The following PIK3C2G variants were observed in gnomAD, a reference collection of about 807,000 sequenced individuals.
PIK3C2G encodes phosphatidylinositol 3-kinase C2 domain-containing subunit gamma.
PIK3C2G carries 168 observed loss-of-function variants against 181.1 expected under a neutral mutation model. That is an observed-to-expected ratio of 0.93 (90% CI 0.82 to 1.05). The LOEUF is 1.05. PIK3C2G is among the 50% of genes least tolerant of loss of function. The pLI is 0.00. For missense variants in PIK3C2G, 1,869 were observed against 1,732.8 expected (o/e 1.08, Z -1.40); for synonymous variants, 573 against 592.2 (o/e 0.97, Z 0.47).
chr12:18,543,092 G>A (rs781143585), intron 25 of PIK3C2G, among the ~76,000 whole-genome samples: 19 of 151,960 alleles, frequency 1.3e-4, no homozygotes, highest in Non-Finnish European at 2.8e-4. Context: ...TCTGACTGGT[G>A]TGAGATGGTA....
intron 24 of PIK3C2G, among the ~76,000 whole-genome samples, chr12:18,537,293 G>C (rs1943911368): frequency 6.6e-6 from 1 of 152,010 alleles, no homozygotes; most frequent in Non-Finnish European, 1.5e-5. Flanking sequence ...TTGCTACTTG[G>C]TCTAACCTTT....
rs572186938 is a variant in PIK3C2G at position 18,247,892 on chromosome 12, C to A, written c.-269C>A. On this transcript the variant is annotated 5_prime_UTR_variant, in exon 1 of 12. Coordinates refer to the PIK3C2G transcript ENST00000535651. ...GACTGCTTTTCATTAAAAAGGAAAG[C>A]CTTACCGAGGACTCCCATACCCTTA... is the stretch of plus-strand genomic sequence containing the variant. 5.3e-5 allele frequency: 8 copies of A among 152,250 alleles called. No individual in the cohort carries two copies. In the East Asian group the frequency reaches 1.5e-3, roughly 29 times the overall value. 9.4% of individuals were successfully genotyped at this position (152,250 alleles called of 1,614,324 possible). A position where few individuals can be genotyped will look rare whatever the true frequency, so the allele number is the denominator to read the frequency against.
At chr12:18,338,100 C>T (rs1268111267) in intron 8 of PIK3C2G, among the ~76,000 whole-genome samples, 2 of 152,112 alleles carry the variant, frequency 1.3e-5, no homozygotes, top group Non-Finnish European at 2.9e-5. Flanking sequence ...CTTCTTCCTC[C>T]CTCTCTTTCT....
chr12:18,606,972 A>C (rs866218710), intron 30 of PIK3C2G, among the ~76,000 whole-genome samples: 1 of 152,282 alleles, frequency 6.6e-6, no homozygotes, highest in Middle Eastern at 3.4e-3. Flanking sequence ...TAAATGTTTA[A>C]TGTGCACATT....
the PIK3C2G span, among the ~76,000 whole-genome samples, chr12:18,660,368 G>C: frequency 6.6e-6 from 1 of 152,140 alleles, no homozygotes; most frequent in African/African-American, 2.4e-5. Context: ...ACAAAGGTGG[G>C]AAGTTTTGTT....
intron 18 of PIK3C2G, among the ~76,000 whole-genome samples, chr12:18,471,280 C>T (rs997983753): frequency 2.0e-5 from 3 of 152,088 alleles, no homozygotes; most frequent in Non-Finnish European, 1.5e-5. Flanking sequence ...ACAAAATGGG[C>T]ATTCGGGATT....
At chr12:18,263,358 C>T (rs1159224199) in intron 1 of PIK3C2G, among the ~76,000 whole-genome samples, 1 of 152,048 alleles carries the variant, frequency 6.6e-6, no homozygotes, top group East Asian at 1.9e-4. Context: ...AATATATGAT[C>T]ATTTCTCATA....
At chr12:18,395,115 C>CTTTCTTTCTTTCTTTCTTTCTTTCTT (rs1186287291) in intron 15 of PIK3C2G, among the ~76,000 whole-genome samples, 2 of 147,932 alleles carry the variant, frequency 1.4e-5, no homozygotes, top group Middle Eastern at 3.2e-3. Context: ...TTCTTTCTTT[C>CTTTCTTTCTTTCTTTCTTTCTTTCTT]TCTCTTTCCC....
At position 18,550,509 on chromosome 12, in the gene PIK3C2G, G is replaced by A. The variant is rs1277841282; in HGVS notation, c.3590+4077G>A. ...CTTAGGGAGACTAAATGCAGACCTC[G>A]TTGCACATAATTCACCAAAAAAAAA... is the stretch of plus-strand genomic sequence containing the variant. On this transcript the variant is annotated intron_variant, in intron 26 of 32. Transcript: ENST00000538779. Among the ~76,000 whole-genome samples, 9 of 151,446 alleles carry A rather than the reference G, an allele frequency of 5.9e-5. 1 individual carries two copies. Among genetic ancestry groups the A allele is most frequent in the East Asian group, 5.8e-4 (3 of 5,152 alleles).
intron 24 of PIK3C2G, among the ~76,000 whole-genome samples, chr12:18,524,336 T>C (rs1161501499): frequency 1.3e-5 from 2 of 152,202 alleles, no homozygotes. Flanking sequence ...TTCTAGATTC[T>C]GCAGTCCAAA....
the PIK3C2G span, chr12:18,723,534 G>T: frequency 6.2e-7 from 1 of 1,611,456 alleles, no homozygotes; most frequent in Non-Finnish European, 8.5e-7. Context: ...GTTTCAGCCT[G>T]TCATTGTCCT....
intron 12 of PIK3C2G, among the ~76,000 whole-genome samples, chr12:18,369,343 T>A (rs1039993692): frequency 1.3e-5 from 2 of 152,170 alleles, no homozygotes; most frequent in African/African-American, 2.4e-5. Context: ...AGAAAAAAAA[T>A]TTCTTTCATC....
At chr12:18,633,691 G>A (rs1005738009) in intron 31 of PIK3C2G, among the ~76,000 whole-genome samples, 5 of 152,176 alleles carry the variant, frequency 3.3e-5, no homozygotes, top group Non-Finnish European at 5.9e-5. Flanking sequence ...TTGTTAGTCA[G>A]GATCAATCAC....
chr12:18,608,151 A>G (rs1592705336), intron 30 of PIK3C2G, among the ~76,000 whole-genome samples: 1 of 152,270 alleles, frequency 6.6e-6, no homozygotes, highest in East Asian at 1.9e-4. Context: ...CAGTGTGGTG[A>G]TTCCTCAAGG....
At chr12:18,256,335 C>T (rs571546776) in intron 1 of PIK3C2G, among the ~76,000 whole-genome samples, 39 of 152,072 alleles carry the variant, frequency 2.6e-4, no homozygotes, top group African/African-American at 9.4e-4. Context: ...TACCCAAAGA[C>T]CTAACCCAGG....
chr12:18,454,502 G>C (rs1038948314), intron 18 of PIK3C2G, among the ~76,000 whole-genome samples: 1 of 152,084 alleles, frequency 6.6e-6, no homozygotes, highest in African/African-American at 2.4e-5. Flanking sequence ...GTCACGTGAG[G>C]TATACACAGG....
chr12:18,511,163 C>G (rs1041032425), intron 24 of PIK3C2G, among the ~76,000 whole-genome samples: 16 of 150,696 alleles, frequency 1.1e-4, no homozygotes, highest in African/African-American at 4.0e-4. Flanking sequence ...AGAATTTCCC[C>G]TCTTTTAAAA....
intron 31 of PIK3C2G, among the ~76,000 whole-genome samples, chr12:18,636,058 T>G (rs1949587887): frequency 6.6e-6 from 1 of 152,146 alleles, no homozygotes; most frequent in Non-Finnish European, 1.5e-5. Context: ...CACAAATAAG[T>G]CTATAGTTAG....
At chr12:18,600,597 G>A (rs933243356) in intron 30 of PIK3C2G, among the ~76,000 whole-genome samples, 4 of 151,896 alleles carry the variant, frequency 2.6e-5, no homozygotes, top group African/African-American at 7.3e-5. Flanking sequence ...ATGCAAGTAC[G>A]CAAATATTAA....
Sources: allele counts gnomAD v4.1 joint callset (sites outside exome capture counted in the v4.1 genomes callset), GRCh38; gene constraint gnomAD v4.1.1; transcripts MANE v1.5; gene names NCBI Gene and HGNC (gene_info 2026-07-23, HGNC 2026-07-21).